EIF4G3: variants seen among roughly 807,000 people sequenced by gnomAD.
EIF4G3 encodes the protein eukaryotic translation initiation factor 4 gamma 3.
EIF4G3 carries 34 observed loss-of-function variants against 186.4 expected under a neutral mutation model. The observed-to-expected ratio is 0.18, with a 90% CI of 0.14 to 0.24. The LOEUF (loss-of-function observed/expected upper bound fraction) is 0.24, where lower values mean the gene tolerates loss of function less well. Among genes scored for constraint, EIF4G3 ranks in the 10% least tolerant of loss-of-function variants. EIF4G3 has a pLI of 1.00. For synonymous variants in EIF4G3, 673 were observed against 679.5 expected (o/e 0.99, Z 0.15); for missense variants, 1,536 against 1,948.5 (o/e 0.79, Z 3.99).
chr1:21,170,339 T>C (rs1176784453), intron 2 of EIF4G3, among the ~76,000 whole-genome samples: 1 of 152,068 alleles, frequency 6.6e-6, no homozygotes, highest in Non-Finnish European at 1.5e-5. Flanking sequence ...CAAAATTCAA[T>C]GTCTTATAAA....
chr1:20,956,806 T>C (rs971961683), intron 12 of EIF4G3, among the ~76,000 whole-genome samples: 2 of 151,922 alleles, frequency 1.3e-5, no homozygotes, highest in African/African-American at 2.4e-5. Context: ...AGGGTATCGA[T>C]ATGTTGCCAG....
chr1:21,059,473 GAGGA>G (rs1040380459), intron 3 of EIF4G3, among the ~76,000 whole-genome samples: 31 of 152,018 alleles, frequency 2.0e-4, no homozygotes, highest in African/African-American at 6.0e-4. Context: ...CAGTGGATAT[GAGGA>G]AGGAAGTTTT....
intron 4 of EIF4G3, among the ~76,000 whole-genome samples, chr1:21,018,778 G>A (rs533750821): frequency 7.3e-4 from 111 of 152,078 alleles, no homozygotes; most frequent in Non-Finnish European, 1.4e-3. Flanking sequence ...CTGTCACCTG[G>A]TTCTCTCATC....
At chr1:21,048,825 G>A (rs1449033060) in intron 4 of EIF4G3, among the ~76,000 whole-genome samples, 3 of 152,148 alleles carry the variant, frequency 2.0e-5, no homozygotes, top group Non-Finnish European at 4.4e-5. Flanking sequence ...GCCCAGGGTA[G>A]GGGTAGCAGT....
intron 2 of EIF4G3, among the ~76,000 whole-genome samples, chr1:21,165,733 A>G (rs2097845475): frequency 6.6e-6 from 1 of 152,136 alleles, no homozygotes; most frequent in African/African-American, 2.4e-5. Flanking sequence ...AGTGACAAAA[A>G]TATTCTAAAA....
At chr1:21,052,587 G>A (rs1002733886) in intron 3 of EIF4G3, among the ~76,000 whole-genome samples, 1 of 150,756 alleles carries the variant, frequency 6.6e-6, no homozygotes, top group Admixed American at 6.6e-5. Context: ...CTCTCCCCAC[G>A]GTCTCCCTCT....
rs569880520 is a variant in EIF4G3, at chr1:20,886,213, G to A, written c.2412C>T (p.Asn804=). 46 of 1,612,928 alleles carry A rather than the reference G, an allele frequency of 2.9e-5. 1 individual carries two copies. In the South Asian group the frequency reaches 4.2e-4, roughly 15 times the overall value. ...CTTTTGTTCTCACCTGGGTTTTAAT[G>A]TTTTCGGGATCATCGGCTTGGCTGT... The part of the protein sequence containing the change: ...KRDSQADDPE[N]IKTQELFRKV... The change falls in exon 19 of 37, where the codon AAC becomes AAT. Residue 804 remains asparagine (N), a synonymous_variant. Coordinates refer to ENST00000602326, the MANE Select transcript of EIF4G3 (RefSeq NM_001391906.1).
chr1:20,894,517 C>G (rs538966229), intron 17 of EIF4G3, among the ~76,000 whole-genome samples: 15 of 152,338 alleles, frequency 9.8e-5, no homozygotes, highest in African/African-American at 3.6e-4. Context: ...GACATCTTTA[C>G]TAACCCATTT....
chr1:20,817,604 G>GAAGAACA, intron 33 of EIF4G3, 66 bp from the exon 34 acceptor site: 1 of 1,021,026 alleles, frequency 9.8e-7, no homozygotes, highest in East Asian at 3.3e-5. Flanking sequence ...CATCCTGAGA[G>GAAGAACA]AAGAACAAAG....
chr1:21,087,795 G>A (rs568917756), intron 3 of EIF4G3, among the ~76,000 whole-genome samples: 27 of 152,128 alleles, frequency 1.8e-4, no homozygotes, highest in African/African-American at 4.6e-4. Flanking sequence ...CACCATGTCC[G>A]GCTAATTTTT....
chr1:21,160,771 A>G (rs2097754123), intron 2 of EIF4G3, among the ~76,000 whole-genome samples: 1 of 152,220 alleles, frequency 6.6e-6, no homozygotes, highest in Non-Finnish European at 1.5e-5. Flanking sequence ...GAGAATAAAG[A>G]GAAATAACTA....
At chr1:21,028,099 CAGG>C (rs927890124) in intron 4 of EIF4G3, among the ~76,000 whole-genome samples, 7 of 152,122 alleles carry the variant, frequency 4.6e-5, no homozygotes, top group African/African-American at 1.7e-4. Flanking sequence ...CACAGACAGA[CAGG>C]AGAATGGCTG....
intron 13 of EIF4G3, 128 bp from the exon 14 acceptor site, chr1:20,942,458 AT>A: frequency 1.2e-6 from 1 of 835,250 alleles, no homozygotes; most frequent in Non-Finnish European, 1.7e-6. Flanking sequence ...TATTAGACTT[AT>A]TCTGGTATGC....
In EIF4G3 at chr1:20,871,053, A is replaced by C. The variant is rs116138661; in HGVS notation, c.2623-5791T>G. ...TATATCAATTTCCTCTATAAATCTAAAAGAATCTTTCTTAAAGGCCTACCC... is the reference window on the plus strand; with the variant it reads ...TATATCAATTTCCTCTATAAATCTACAAGAATCTTTCTTAAAGGCCTACCC... On this transcript the variant is annotated intron_variant, in intron 20 of 36. Coordinates refer to ENST00000602326, the MANE Select transcript of EIF4G3 (RefSeq NM_001391906.1). Among the ~76,000 whole-genome samples, 926 of 152,336 alleles carry C rather than the reference A, an allele frequency of 6.1e-3. 3 individuals are homozygous for C. The highest frequency in any genetic ancestry group is 0.011 in the Non-Finnish European group (725 of 68,028).
intron 4 of EIF4G3, among the ~76,000 whole-genome samples, chr1:21,038,907 T>C (rs1378276832): frequency 6.6e-6 from 1 of 152,058 alleles, no homozygotes; most frequent in East Asian, 1.9e-4. Context: ...CAGAATCCTA[T>C]AAAAATCCCA....
At chr1:20,813,398 TAAAA>T (rs11303095) in intron 34 of EIF4G3, among the ~76,000 whole-genome samples, 159 bp from the exon 35 acceptor site, 1 of 81,822 alleles carries the variant, frequency 1.2e-5, no homozygotes. Flanking sequence ...CCCTATCTCT[TAAAA>T]AAAAAAAAAA....
intron 2 of EIF4G3, among the ~76,000 whole-genome samples, chr1:21,146,964 T>C (rs1471169730): frequency 1.3e-5 from 2 of 152,052 alleles, no homozygotes; most frequent in African/African-American, 4.8e-5. Flanking sequence ...TATAGTTGTT[T>C]CAGAAATTTC....
intron 14 of EIF4G3, among the ~76,000 whole-genome samples, chr1:20,908,696 T>C (rs539021563): frequency 1.3e-5 from 2 of 152,312 alleles, no homozygotes; most frequent in South Asian, 4.1e-4. Flanking sequence ...TTGTTACTCC[T>C]GCAAATTAAG....
intron 14 of EIF4G3, among the ~76,000 whole-genome samples, chr1:20,907,134 AAAT>A (rs1486238452): frequency 1.3e-5 from 2 of 152,192 alleles, no homozygotes; most frequent in Non-Finnish European, 2.9e-5. Context: ...TTGACTGAAC[AAAT>A]AATAGCAGTT....
Sources: gnomAD v4.1 joint callset for allele counts (sites outside exome capture counted in the v4.1 genomes callset) on GRCh38, gnomAD v4.1.1 for gene constraint, MANE v1.5 for transcripts, NCBI Gene and HGNC (gene_info 2026-07-23, HGNC 2026-07-21) for gene names.